PPFIBP1: variants seen among roughly 807,000 people sequenced by gnomAD.
PPFIBP1 encodes the protein liprin-beta-1.
Under a neutral mutation model 137.8 loss-of-function variants are expected in PPFIBP1, and 112 were observed. The ratio of observed to expected loss-of-function variants is 0.81; its 90% CI spans 0.70 to 0.95. The LOEUF is 0.95. Ranked by LOEUF, PPFIBP1 falls within the 40% of genes least tolerant of loss-of-function variation. The pLI, the probability that PPFIBP1 is intolerant of heterozygous loss-of-function variation, is 0.00. For synonymous variants in PPFIBP1, 378 were observed against 417.3 expected, an observed-to-expected ratio of 0.91 and a Z score of 1.15; for missense variants, 1,083 against 1,196.6, an observed-to-expected ratio of 0.91 and a Z score of 1.40.
At chr12:27,685,141 A>G (rs1207506442) in intron 24 of PPFIBP1, among the ~76,000 whole-genome samples, 2 of 151,966 alleles carry the variant, frequency 1.3e-5, no homozygotes, top group Admixed American at 1.3e-4. Context: ...GTTCACATAT[A>G]TACTATATAA....
intron 25 of PPFIBP1, 63 bp downstream of exon 25, chr12:27,687,570 C>G: frequency 6.6e-7 from 1 of 1,520,156 alleles, no homozygotes; most frequent in Non-Finnish European, 8.9e-7. Context: ...GTCCATGTGT[C>G]GAAACTAAGA....
chr12:27,557,238 ATTTTTT>A (rs4035629), intron 1 of PPFIBP1, among the ~76,000 whole-genome samples: 1 of 142,096 alleles, frequency 7.0e-6, no homozygotes, highest in African/African-American at 2.6e-5. Context: ...CATGGTAACA[ATTTTTT>A]TTTTTTTTTG....
chr12:27,664,494 G>A, intron 12 of PPFIBP1, 48 bp downstream of exon 12: 2 of 1,298,132 alleles, frequency 1.5e-6, no homozygotes, highest in African/African-American at 3.0e-5. Context: ...ACTCTAAGTG[G>A]CTATAAACTT....
At chr12:27,597,499 A>G (rs891413755) in intron 2 of PPFIBP1, among the ~76,000 whole-genome samples, 12 of 152,200 alleles carry the variant, frequency 7.9e-5, no homozygotes, top group Middle Eastern at 3.4e-3. Context: ...TCTTTGGCAT[A>G]ATGGGATCTG....
intron 1 of PPFIBP1, among the ~76,000 whole-genome samples, chr12:27,572,369 C>G (rs2050221715): frequency 6.6e-6 from 1 of 152,174 alleles, no homozygotes; most frequent in African/African-American, 2.4e-5. Flanking sequence ...TTATGGCAGA[C>G]TTTAATCATT....
chr12:27,616,132 T>A (rs1400195374), intron 2 of PPFIBP1, among the ~76,000 whole-genome samples: 2 of 151,948 alleles, frequency 1.3e-5, no homozygotes, highest in Non-Finnish European at 2.9e-5. Context: ...CCTCCTCTTT[T>A]CCCTCCTTTC....
chr12:27,680,155 A>T, intron 21 of PPFIBP1, 94 bp downstream of exon 21: 1 of 1,484,564 alleles, frequency 6.7e-7, no homozygotes, highest in Non-Finnish European at 9.1e-7. Flanking sequence ...GGTTAAACAA[A>T]GTCATTGCTT....
chr12:27,559,194 C>T (rs565444924), intron 1 of PPFIBP1, among the ~76,000 whole-genome samples: 65 of 144,416 alleles, frequency 4.5e-4, no homozygotes, highest in African/African-American at 1.5e-3. Flanking sequence ...TTTTTTTAGA[C>T]GGAGTCTCGC....
At chr12:27,544,170 T>A (rs547677280) in intron 1 of PPFIBP1, among the ~76,000 whole-genome samples, 1 of 152,262 alleles carries the variant, frequency 6.6e-6, no homozygotes, top group South Asian at 2.1e-4. Flanking sequence ...GCATGAGCCA[T>A]CATGTCCCCC....
chr12:27,638,489 CTGTG>C (rs2057851761), intron 4 of PPFIBP1, among the ~76,000 whole-genome samples: 1 of 104,792 alleles, frequency 9.5e-6, no homozygotes, highest in Non-Finnish European at 2.1e-5. Context: ...GTCTGAAGCT[CTGTG>C]TCTTGGTTTT....
chr12:27,644,915 G>T (rs1289405634), intron 4 of PPFIBP1, among the ~76,000 whole-genome samples: 5 of 149,424 alleles, frequency 3.3e-5, no homozygotes. Context: ...TTCAAGCCCT[G>T]TTTTTTTTCT....
chr12:27,613,253 C>G (rs2055357144), intron 2 of PPFIBP1, among the ~76,000 whole-genome samples: 1 of 152,224 alleles, frequency 6.6e-6, no homozygotes, highest in Admixed American at 6.5e-5. Context: ...CCCAGACCTT[C>G]CATCTTCCAT....
chr12:27,682,924 A>T lies in PPFIBP1; in HGVS notation c.2247+221A>T, dbSNP rs998121739. On this transcript the variant is annotated intron_variant, in intron 24 of 29. Coordinates refer to ENST00000228425, the MANE Select transcript of PPFIBP1 (RefSeq NM_003622.4). ...TTGGGATAATTTGAAACCCCAATGT[A>T]AGCTAAGTGAAGCCTAATTTAAACT... Among the ~76,000 whole-genome samples the T allele has an allele frequency of 1.1e-4, 17 of 151,984 alleles. No homozygotes were observed. The East Asian group carries it at 3.3e-3, about 29-fold the overall frequency.
At chr12:27,647,675 G>A in intron 5 of PPFIBP1, 54 bp from the exon 6 acceptor site, 6 of 1,074,414 alleles carry the variant, frequency 5.6e-6, no homozygotes, top group Non-Finnish European at 6.6e-6. Context: ...AATAACGTAT[G>A]CAGTGGGACC....
At chr12:27,539,669 T>C (rs779845139) in intron 1 of PPFIBP1, among the ~76,000 whole-genome samples, 1 of 152,190 alleles carries the variant, frequency 6.6e-6, no homozygotes, top group African/African-American at 2.4e-5. Context: ...TTTCCATCTA[T>C]TGTTTATTGT....
At chr12:27,619,907 T>A (rs1204038189) in intron 2 of PPFIBP1, among the ~76,000 whole-genome samples, 1 of 151,778 alleles carries the variant, frequency 6.6e-6, no homozygotes, top group African/African-American at 2.4e-5. Context: ...GCAATATGCG[T>A]TTATATATAT....
At chr12:27,680,142 T>G (rs767794564) in intron 21 of PPFIBP1, 81 bp downstream of exon 21, 2 of 1,538,382 alleles carry the variant, frequency 1.3e-6, no homozygotes, top group Non-Finnish European at 1.8e-6. Context: ...AGTACTGTCA[T>G]TGGGTTAAAC....
chr12:27,638,041 G>A (rs1307459873), intron 4 of PPFIBP1, among the ~76,000 whole-genome samples: 3 of 152,072 alleles, frequency 2.0e-5, no homozygotes, highest in African/African-American at 7.2e-5. Context: ...AAGGGTGACT[G>A]CCAGGAGCTG....
chr12:27,661,149 C>T (rs1281426548), intron 11 of PPFIBP1, among the ~76,000 whole-genome samples: 2 of 152,130 alleles, frequency 1.3e-5, no homozygotes, highest in Non-Finnish European at 2.9e-5. Context: ...ACTCCTGCCC[C>T]CACGAATTCA....
Sources: allele counts gnomAD v4.1 joint callset (sites outside exome capture counted in the v4.1 genomes callset), GRCh38; gene constraint gnomAD v4.1.1; transcripts MANE v1.5; gene names NCBI Gene and HGNC (gene_info 2026-07-23, HGNC 2026-07-21).